The following CHD1 variants were observed in gnomAD, a reference collection of about 807,000 sequenced individuals.
CHD1 encodes chromodomain helicase DNA binding protein 1, also known as ATP-dependent chromatin remodeler CHD1.
CHD1 carries 36 observed loss-of-function variants against 224.2 expected under a neutral mutation model. The ratio of observed to expected loss-of-function variants is 0.16; its 90% CI spans 0.12 to 0.21. The LOEUF (loss-of-function observed/expected upper bound fraction) is 0.21. Among genes scored for constraint, CHD1 ranks in the 10% least tolerant of loss-of-function variants. The pLI is 1.00. For missense variants in CHD1, 1,378 were observed against 1,994.8 expected (o/e 0.69, Z 5.89); for synonymous variants, 668 against 658.3 (o/e 1.01, Z -0.23).
intron 15 of CHD1, among the ~76,000 whole-genome samples, chr5:98,891,869 T>A (rs975965641): frequency 2.7e-4 from 41 of 152,288 alleles, no homozygotes; most frequent in African/African-American, 8.7e-4. Context: ...GTATAAGAGT[T>A]CATTAAATTA....
chr5:98,894,512 G>T, intron 13 of CHD1, 85 bp downstream of exon 13: 1 of 458,516 alleles, frequency 2.2e-6, no homozygotes, highest in Non-Finnish European at 4.0e-6. Flanking sequence ...CACGATTTAG[G>T]CTATTCTCTC....
chr5:98,864,753 T>C (rs758193524), intron 31 of CHD1, among the ~76,000 whole-genome samples: 23 of 152,252 alleles, frequency 1.5e-4, no homozygotes, highest in Non-Finnish European at 2.8e-4. Flanking sequence ...TAAATAAAAT[T>C]AGAATTCAGT....
rs147287334 is a variant in CHD1, at chr5:98,885,283, T to C, written c.2568+295A>G. 0.12 allele frequency among the ~76,000 whole-genome samples: 18,645 copies of C among 152,020 alleles called. 1,791 individuals carry two copies. The highest frequency in any genetic ancestry group is 0.27 in the African/African-American group (11,192 of 41,406). ...GGCACGCGCCTGTAATCCCAGCTAC[T>C]TGTGAGGCTGAGGCAGGAGAATAGC... On this transcript the variant is annotated intron_variant, in intron 18 of 35. Transcript: ENST00000614616.
chr5:98,855,371 C>T lies in CHD1; in HGVS notation c.*1009G>A, dbSNP rs910950907. 6 of 152,494 alleles carry T rather than the reference C, an allele frequency of 3.9e-5. No individual in the cohort carries two copies. The highest frequency in any genetic ancestry group is 1.4e-4 in the African/African-American group (6 of 41,412). 9.4% of individuals were successfully genotyped at this position (152,494 alleles called of 1,614,324 possible). A position where few individuals can be genotyped will look rare whatever the true frequency, so the allele number is the denominator to read the frequency against. ...TAAAACGGGAAAACAAACGGATTTA[C>T]AATAACTTTTGGCCGTTTTGGATTC... On this transcript the variant is annotated 3_prime_UTR_variant, in exon 36 of 36. Transcript: ENST00000614616.
chr5:98,899,778 A>C, intron 7 of CHD1, 73 bp from the exon 8 acceptor site: 1 of 1,042,230 alleles, frequency 9.6e-7, no homozygotes, highest in Non-Finnish European at 1.4e-6. Flanking sequence ...TCAAAATTTC[A>C]ATAATATGAG....
At chr5:98,881,498 C>A in intron 20 of CHD1, 123 bp from the exon 21 acceptor site, 2 of 531,640 alleles carry the variant, frequency 3.8e-6, no homozygotes, top group South Asian at 3.3e-5. Context: ...TTAGACAAAT[C>A]AAGTATTAGA....
At chr5:98,915,327 G>T (rs1189375265) in intron 2 of CHD1, among the ~76,000 whole-genome samples, 1 of 152,122 alleles carries the variant, frequency 6.6e-6, no homozygotes, top group Non-Finnish European at 1.5e-5. Flanking sequence ...TATAAACTCT[G>T]CTTAAAGTAC....
At chr5:98,903,744 T>C (rs1561531960) in intron 4 of CHD1, 48 bp downstream of exon 4, 2 of 1,240,830 alleles carry the variant, frequency 1.6e-6, no homozygotes, top group Admixed American at 3.4e-5. Context: ...GTTAACTGAT[T>C]CAGCAGCATG....
intron 2 of CHD1, among the ~76,000 whole-genome samples, chr5:98,915,933 C>T (rs1752702448): frequency 6.6e-6 from 1 of 152,104 alleles, no homozygotes; most frequent in African/African-American, 2.4e-5. Context: ...TGGCTCACAC[C>T]CAAAATCCCA....
rs983918485 is a variant in CHD1, at chr5:98,921,983, T to C, written c.53+4351A>G. 2.6e-5 allele frequency among the ~76,000 whole-genome samples: 4 copies of C among 152,220 alleles called. No individual in the cohort carries two copies. The South Asian group carries it at 8.3e-4, about 32-fold the overall frequency. ...GCCTGGCCAACATGGTGAAATCCCA[T>C]CTTTACTAAAAATACAAAAATTAGC... is the stretch of plus-strand genomic sequence containing the variant. On this transcript the variant is annotated intron_variant, in intron 2 of 35. Coordinates refer to ENST00000614616, the MANE Select transcript of CHD1 (RefSeq NM_001270.4).
intron 2 of CHD1, among the ~76,000 whole-genome samples, chr5:98,916,154 T>C (rs1028851234): frequency 1.3e-5 from 2 of 151,988 alleles, no homozygotes; most frequent in Non-Finnish European, 2.9e-5. Flanking sequence ...ACTGTACCAC[T>C]GCACTCCAGC....
Position 98,855,440 on chromosome 5 carries a change from GAA to G in CHD1, c.*938_*939del, listed in dbSNP as rs1195643182. The G allele has an allele frequency of 6.6e-6, 1 of 152,230 alleles. No homozygotes were observed. The highest frequency in any genetic ancestry group is 6.6e-5 in the Admixed American group (1 of 15,238). 9.4% of individuals were successfully genotyped at this position (152,230 alleles called of 1,614,324 possible). On this transcript the variant is annotated 3_prime_UTR_variant, in exon 36 of 36. Transcript: ENST00000614616. ...CTACCCTTTTAAACCAGATGCATCT[GAA>G]AAAAGTGTTTCCAGAGCATGCAGTT...
chr5:98,894,353 T>C (rs1751213661), intron 13 of CHD1, among the ~76,000 whole-genome samples: 1 of 152,202 alleles, frequency 6.6e-6, no homozygotes, highest in South Asian at 2.1e-4. Flanking sequence ...AGCCAGATAG[T>C]AAATATTTCA....
chr5:98,899,500 T>A lies in CHD1; in HGVS notation c.1065A>T (p.Lys355Asn). The A allele has an allele frequency of 6.2e-7, 1 of 1,607,698 alleles. No individual in the cohort carries two copies. Among genetic ancestry groups the A allele is most frequent in the Non-Finnish European group, 8.5e-7 (1 of 1,175,194 alleles). The change falls in exon 8 of 36, where the codon AAA becomes AAT. Residue 355 changes from lysine (K) to asparagine (N), a missense_variant. Transcript: ENST00000614616. Reference protein sequence around the residue: ...GMKKLDNYKKKDQETKRWLKN... With the variant: ...GMKKLDNYKKNDQETKRWLKN... ...CTTACCATCTTTTTGTTTCCTGATCTTTTTTCTTATAATTATCCAATTTTT... is the reference window on the plus strand; with the variant it reads ...CTTACCATCTTTTTGTTTCCTGATCATTTTTCTTATAATTATCCAATTTTT...
At chr5:98,877,374 G>T (rs76339420) in intron 23 of CHD1, among the ~76,000 whole-genome samples, 10,626 of 152,220 alleles carry the variant, frequency 0.07, 404 homozygotes, top group African/African-American at 0.1. Context: ...AAATTAGAAT[G>T]ATGTACACTG....
intron 13 of CHD1, among the ~76,000 whole-genome samples, chr5:98,894,097 C>A (rs1029747363): frequency 1.8e-4 from 27 of 152,192 alleles, no homozygotes; most frequent in African/African-American, 6.0e-4. Context: ...TGTGTTACCA[C>A]AGCCAAGTTC....
chr5:98,859,955 T>A lies in CHD1; in HGVS notation c.4524+17A>T. 1.5e-6 allele frequency: 2 copies of A among 1,290,924 alleles called. No individual in the cohort carries two copies. Among genetic ancestry groups the A allele is most frequent in the Non-Finnish European group, 2.2e-6 (2 of 929,270 alleles). 80.0% of individuals were successfully genotyped at this position (1,290,924 alleles called of 1,614,324 possible). On this transcript the variant is annotated intron_variant, in intron 33 of 35. Coordinates refer to ENST00000614616, the MANE Select transcript of CHD1 (RefSeq NM_001270.4). ...TAATTATATAAATTCAGGGAAAAAA[T>A]ATGATGTCAAGTTTACCTGAGACTC...
intron 33 of CHD1, among the ~76,000 whole-genome samples, chr5:98,859,587 T>C (rs536760066): frequency 1.3e-5 from 2 of 152,226 alleles, no homozygotes; most frequent in East Asian, 3.9e-4. Flanking sequence ...ATAACACATA[T>C]ATTTTTGGCA....
chr5:98,884,904 A>AT (rs889355441), intron 18 of CHD1, among the ~76,000 whole-genome samples: 54 of 149,650 alleles, frequency 3.6e-4, no homozygotes, highest in Admixed American at 8.0e-4. Flanking sequence ...TTTTATTTTT[A>AT]TTTTTTTTTG....
Sources: allele counts gnomAD v4.1 joint callset (sites outside exome capture counted in the v4.1 genomes callset), GRCh38; gene constraint gnomAD v4.1.1; transcripts MANE v1.5; gene names NCBI Gene and HGNC (gene_info 2026-07-23, HGNC 2026-07-21).